ZGRF1: variants seen among roughly 807,000 people sequenced by gnomAD.
The protein encoded by ZGRF1 is zinc finger GRF-type containing 1, also known as 5'-3' DNA helicase ZGRF1.
A neutral mutation model predicts 203.5 loss-of-function variants in ZGRF1; 196 were observed. That is an observed-to-expected ratio of 0.96 (90% CI 0.86 to 1.08). The LOEUF (loss-of-function observed/expected upper bound fraction) is 1.08. ZGRF1 is among the 50% of genes least tolerant of loss of function. ZGRF1 has a pLI of 0.00. For missense variants in ZGRF1, 2,326 were observed against 2,416.3 expected (o/e 0.96, Z 0.78); for synonymous variants, 809 against 841.3 (o/e 0.96, Z 0.66).
In ZGRF1 at chr4:112,587,808, A is replaced by C. The variant is rs1747475121; in HGVS notation, c.3249T>G (p.His1083Gln). 6.4e-7 allele frequency: 1 copy of C among 1,551,998 alleles called. No individual in the cohort carries two copies. ...RTDGPPDLDS[H>Q]SYMINSNTYE... ...ATGTGTTAGAGTTGATCATATACGA[A>C]TGAGAGTCTAAGTCAGGTGGCCCAT... The change falls in exon 12 of 28, where the codon CAT becomes CAG. Residue 1083 changes from histidine to glutamine, a missense_variant. Transcript: ENST00000505019.
intron 3 of ZGRF1, among the ~76,000 whole-genome samples, chr4:112,626,869 G>C (rs2047256125): frequency 6.6e-6 from 1 of 152,092 alleles, no homozygotes; most frequent in African/African-American, 2.4e-5. Context: ...GCAGTGGCAT[G>C]ATCTCAGATC....
Position 112,585,589 on chromosome 4 carries a change from A to G in ZGRF1, c.4053T>C (p.His1351=), listed in dbSNP as rs532040463. The stretch of plus-strand genomic sequence containing the variant: ...CCATGACAAGTTTTGCAGGTTGACT[A>G]TGATGGCAGGATGGTACATTATTTT... ...NAENNVPSCH[H]SQPAKLVMVK... The change falls in exon 14 of 28, where the codon CAT becomes CAC. Residue 1351 remains histidine (H), a synonymous_variant. Coordinates refer to ENST00000505019, the MANE Select transcript of ZGRF1 (RefSeq NM_018392.5). The G allele has an allele frequency of 2.8e-5, 45 of 1,612,668 alleles. No individual in the cohort carries two copies. The East Asian group carries it at 1.0e-3, about 36-fold the overall frequency.
At chr4:112,620,676 T>C (rs1025779497) in intron 4 of ZGRF1, among the ~76,000 whole-genome samples, 1 of 152,030 alleles carries the variant, frequency 6.6e-6, no homozygotes, top group African/African-American at 2.4e-5. Context: ...CTAGTCAACA[T>C]AGCAAGACCC....
intron 3 of ZGRF1, among the ~76,000 whole-genome samples, chr4:112,627,369 C>T (rs1262695188): frequency 6.6e-6 from 1 of 152,146 alleles, no homozygotes; most frequent in Non-Finnish European, 1.5e-5. Flanking sequence ...ATTCTACAGC[C>T]TCTACTATAA....
At chr4:112,627,955 C>G (rs955408714) in intron 3 of ZGRF1, among the ~76,000 whole-genome samples, 20 of 152,134 alleles carry the variant, frequency 1.3e-4, no homozygotes, top group African/African-American at 4.8e-4. Flanking sequence ...TTCATACATT[C>G]ATGTTGTTGG....
intron 16 of ZGRF1, among the ~76,000 whole-genome samples, chr4:112,564,226 C>T (rs562913656): frequency 5.0e-4 from 76 of 152,218 alleles, no homozygotes; most frequent in Non-Finnish European, 9.0e-4. Flanking sequence ...TCCATTTTCA[C>T]TAACAAGCTT....
chr4:112,604,758 T>C (rs1320884622), intron 9 of ZGRF1, among the ~76,000 whole-genome samples: 1 of 152,150 alleles, frequency 6.6e-6, no homozygotes, highest in Non-Finnish European at 1.5e-5. Flanking sequence ...ACTCAGTCTG[T>C]TTTCAGGCTT....
rs1745446199 is a variant in ZGRF1 at position 112,577,405 on chromosome 4, C to G, written c.4438+4258G>C. Among the ~76,000 whole-genome samples the G allele has an allele frequency of 1.6e-5, 2 of 122,686 alleles. 1 individual carries two copies. Among genetic ancestry groups the G allele is most frequent in the Non-Finnish European group, 3.6e-5 (2 of 55,022 alleles). The allele number at this position is 122,686 out of a possible 152,430, so 80.5% of individuals were successfully genotyped here. Reference sequence around the variant, plus strand: ...AAATAACCAGCTAACATCATAATGACAGGATCAAATTCACACATAACAATA... The same window carrying G: ...AAATAACCAGCTAACATCATAATGAGAGGATCAAATTCACACATAACAATA... On this transcript the variant is annotated intron_variant, in intron 16 of 27. Coordinates refer to ENST00000505019, the MANE Select transcript of ZGRF1 (RefSeq NM_018392.5).
At chr4:112,595,588 G>T (rs1359372225) in intron 10 of ZGRF1, among the ~76,000 whole-genome samples, 1 of 152,098 alleles carries the variant, frequency 6.6e-6, no homozygotes, top group Non-Finnish European at 1.5e-5. Context: ...ATATGTGTGT[G>T]TGTGTGTGTA....
intron 15 of ZGRF1, 79 bp from the exon 16 acceptor site, chr4:112,581,881 A>T: frequency 1.5e-6 from 1 of 678,628 alleles, no homozygotes; most frequent in South Asian, 3.0e-5. Context: ...ATACAGTATG[A>T]AAAGAACCAG....
At position 112,560,752 on chromosome 4, in the gene ZGRF1, G is replaced by A; in HGVS notation, c.4941C>T (p.Phe1647=). 1 of 1,590,342 alleles carries A rather than the reference G, an allele frequency of 6.3e-7. No individual in the cohort carries two copies. Among genetic ancestry groups the A allele is most frequent in the Non-Finnish European group, 8.6e-7 (1 of 1,162,456 alleles). Reference sequence around the variant, plus strand: ...TCTTACCATGTATGATTGTGATAGGGAAGGTATGAGTTTGCAGTTCCTTCA... The same window carrying A: ...TCTTACCATGTATGATTGTGATAGGAAAGGTATGAGTTTGCAGTTCCTTCA... ...EEVKELQTHT[F]PITIIHGVFG... is the part of the protein sequence containing the mutation. The change falls in exon 19 of 28, where the codon TTC becomes TTT. Residue 1647 remains phenylalanine, a synonymous_variant. Transcript: ENST00000505019.
intron 10 of ZGRF1, among the ~76,000 whole-genome samples, chr4:112,601,191 G>A (rs942426067): frequency 1.5e-4 from 22 of 151,550 alleles, no homozygotes; most frequent in African/African-American, 3.9e-4. Flanking sequence ...CAGGAAGATC[G>A]TTTGAGCCCA....
chr4:112,624,518 G>C (rs953338660), intron 3 of ZGRF1, among the ~76,000 whole-genome samples: 1 of 151,880 alleles, frequency 6.6e-6, no homozygotes, highest in Admixed American at 6.6e-5. Context: ...GGACAAACAG[G>C]AGACAAGATC....
intron 6 of ZGRF1, among the ~76,000 whole-genome samples, chr4:112,613,324 A>G (rs1281276659): frequency 6.6e-6 from 1 of 152,202 alleles, no homozygotes; most frequent in Non-Finnish European, 1.5e-5. Context: ...ACTTCATGCT[A>G]TTTCTAGTCT....
chr4:112,628,900 C>T (rs2047320408), intron 3 of ZGRF1: 1 of 404,126 alleles, frequency 2.5e-6, no homozygotes, highest in Non-Finnish European at 4.8e-6. Context: ...AGAATAGCAT[C>T]AGACACTGAA....
chr4:112,582,112 G>A (rs1487049053), intron 15 of ZGRF1, among the ~76,000 whole-genome samples: 1 of 152,112 alleles, frequency 6.6e-6, no homozygotes, highest in Non-Finnish European at 1.5e-5. Flanking sequence ...GAGTACATGT[G>A]ATATCCTGAT....
chr4:112,636,350 C>T (rs567806953), intron 1 of ZGRF1, among the ~76,000 whole-genome samples: 1 of 152,186 alleles, frequency 6.6e-6, no homozygotes, highest in South Asian at 2.1e-4. Flanking sequence ...TCGGTGTTCT[C>T]AGTAAAGTAT....
Position 112,618,710 on chromosome 4 carries a change from A to C in ZGRF1, c.1332T>G (p.Asn444Lys), listed in dbSNP as rs2046968353. Residue 444 changes from asparagine (N) to lysine (K), a missense_variant, in exon 6 of 28, where the codon AAT becomes AAG. Physicochemically the swap from Asn to Lys is moderately conservative, Grantham distance 94. Coordinates refer to ENST00000505019, the MANE Select transcript of ZGRF1 (RefSeq NM_018392.5). ...CTGATCCTTTAATGCACCCCTTGTC[A>C]TTTTGATTAAAAGGTATTTTATTAT... is the stretch of plus-strand genomic sequence containing the variant. Reference protein sequence around the residue: ...QEDNKIPFNQNDKGCIKGSVL... With the variant: ...QEDNKIPFNQKDKGCIKGSVL... 1 of 1,611,046 alleles carries C rather than the reference A, an allele frequency of 6.2e-7. No homozygotes were observed. The highest frequency in any genetic ancestry group is 8.5e-7 in the Non-Finnish European group (1 of 1,179,230).
At position 112,617,372 on chromosome 4, in the gene ZGRF1, A is replaced by G. The variant is rs961934970; in HGVS notation, c.2602+68T>C. ...TTCTTTAATGTATCACCCAGAGCTA[A>G]TATCTTCTTTCTTTATAGCTCAAAG... On this transcript the variant is annotated intron_variant, in intron 6 of 27. Coordinates refer to ENST00000505019, the MANE Select transcript of ZGRF1 (RefSeq NM_018392.5). The G allele has an allele frequency of 7.7e-6, 9 of 1,165,056 alleles. No homozygotes were observed. In the African/African-American group the frequency reaches 1.1e-4, roughly 14 times the overall value. The allele number at this position is 1,165,056 out of a possible 1,614,324, so 72.2% of individuals were successfully genotyped here.
Sources: allele counts gnomAD v4.1 joint callset (sites outside exome capture counted in the v4.1 genomes callset), GRCh38; gene constraint gnomAD v4.1.1; transcripts MANE v1.5; gene names NCBI Gene and HGNC (gene_info 2026-07-23, HGNC 2026-07-21).